TRIP12: variants seen among roughly 807,000 people sequenced by gnomAD.
TRIP12 encodes E3 ubiquitin-protein ligase TRIP12.
A neutral mutation model predicts 244.2 loss-of-function variants in TRIP12; 25 were observed. The observed-to-expected ratio is 0.10, with a 90% CI of 0.07 to 0.14. TRIP12 has a LOEUF of 0.14. Ranked by LOEUF, TRIP12 falls within the 10% of genes least tolerant of loss-of-function variation. TRIP12 has a pLI of 1.00. For missense variants in TRIP12, 1,677 were observed against 2,486.4 expected (o/e 0.67, Z 6.92); for synonymous variants, 905 against 873.1 (o/e 1.04, Z -0.64).
chr2:229,812,603 T>G (rs900176912), intron 13 of TRIP12, among the ~76,000 whole-genome samples: 4 of 151,994 alleles, frequency 2.6e-5, no homozygotes, highest in Admixed American at 2.0e-4. Context: ...TGCAGGAGTT[T>G]GAGACCAGCC....
At chr2:229,826,322 A>G (rs1045032051) in intron 8 of TRIP12, among the ~76,000 whole-genome samples, 1 of 152,206 alleles carries the variant, frequency 6.6e-6, no homozygotes, top group African/African-American at 2.4e-5. Flanking sequence ...GGCTTTCTTT[A>G]CCAAGAAAAG....
At chr2:229,780,774 C>T (rs960837937) in intron 34 of TRIP12, among the ~76,000 whole-genome samples, 1 of 152,156 alleles carries the variant, frequency 6.6e-6, no homozygotes, top group Non-Finnish European at 1.5e-5. Context: ...TCCACATGGC[C>T]TAACATATAT....
At chr2:229,904,685 A>G (rs2072171510) in intron 1 of TRIP12, among the ~76,000 whole-genome samples, 1 of 152,156 alleles carries the variant, frequency 6.6e-6, no homozygotes, top group African/African-American at 2.4e-5. Flanking sequence ...AATTTTAACA[A>G]TTGCTCTATA....
chr2:229,919,398 G>C (rs1382609524), intron 1 of TRIP12, among the ~76,000 whole-genome samples: 2 of 149,996 alleles, frequency 1.3e-5, no homozygotes, highest in Admixed American at 6.7e-5. Flanking sequence ...CTAGGCGACA[G>C]AGCAAGATTC....
At chr2:229,855,143 T>C (rs1365915076) in intron 4 of TRIP12, among the ~76,000 whole-genome samples, 1 of 152,142 alleles carries the variant, frequency 6.6e-6, no homozygotes, top group Non-Finnish European at 1.5e-5. Context: ...GGCGCGTGCC[T>C]ATAATCCCAG....
chr2:229,871,090 C>T (rs1473659383), intron 2 of TRIP12, among the ~76,000 whole-genome samples: 1 of 151,536 alleles, frequency 6.6e-6, no homozygotes, highest in African/African-American at 2.4e-5. Context: ...AGGAGGATCA[C>T]CTAAGCCTGA....
intron 33 of TRIP12, 50 bp from the exon 34 acceptor site, chr2:229,785,905 C>CT (rs1449386646): frequency 6.8e-7 from 1 of 1,477,466 alleles, no homozygotes; most frequent in Non-Finnish European, 9.2e-7. Flanking sequence ...CCATATTACA[C>CT]TTTAATAAAC....
Position 229,792,780 on chromosome 2 carries a change from G to T in TRIP12, c.4141+193C>A, listed in dbSNP as rs4973228. Among the ~76,000 whole-genome samples the T allele has an allele frequency of 0.81, 123,769 of 152,134 alleles. 50,584 individuals are homozygous for T. The highest frequency in any genetic ancestry group is 0.89 in the African/African-American group (36,845 of 41,500). ...AAGATAAATTAACTCAACATTCAAG[G>T]AAGCAGTCAACCCCTAGTAAGTTCA... On this transcript the variant is annotated intron_variant, in intron 27 of 41. Coordinates refer to ENST00000675903, the MANE Select transcript of TRIP12 (RefSeq NM_001348323.3).
At position 229,839,548 on chromosome 2, in the gene TRIP12, G is replaced by A. The variant is rs546042095; in HGVS notation, c.1133+1274C>T. ...AAAAAAATTAGCTGGGCATGGTGGC[G>A]GGCGCCTATAGTCCCAGCTACTCGG... On this transcript the variant is annotated intron_variant, in intron 5 of 41. Coordinates refer to ENST00000675903, the MANE Select transcript of TRIP12 (RefSeq NM_001348323.3). Among the ~76,000 whole-genome samples, 13 of 152,070 alleles carry A rather than the reference G, an allele frequency of 8.5e-5. 1 individual carries two copies. Among genetic ancestry groups the A allele is most frequent in the African/African-American group, 1.4e-4 (6 of 41,510 alleles).
intron 6 of TRIP12, among the ~76,000 whole-genome samples, chr2:229,834,900 A>G (rs1446766987): frequency 1.3e-5 from 2 of 152,144 alleles, no homozygotes; most frequent in Admixed American, 1.3e-4. Flanking sequence ...AATAATAACA[A>G]CATTATTTCC....
chr2:229,880,054 G>A lies in TRIP12; in HGVS notation c.26C>T (p.Pro9Leu), dbSNP rs537576478. The A allele has an allele frequency of 6.2e-7, 1 of 1,614,024 alleles. No homozygotes were observed. The highest frequency in any genetic ancestry group is 1.1e-5 in the South Asian group (1 of 91,060). The change falls in exon 2 of 42, where the codon CCA (proline) becomes CTA (leucine). Residue 9 changes from proline (P) to leucine (L), a missense_variant. Physicochemically the swap from Pro to Leu is moderately conservative, Grantham distance 98 (BLOSUM62 -3). Around this residue, in one of 11 missense-constraint regions of TRIP12, gnomAD observed 387 missense variants for 392.6 expected, o/e 0.99. Transcript: ENST00000675903. The stretch of plus-strand genomic sequence containing the variant: ...CTGTGAACGTCGCAGTGACCCCCCT[G>A]GATTGTTATTAGGCCGGTTGGACAT... MSNRPNNN[P>L]GGSLRRSQRN...
chr2:229,775,093 G>C (rs1470621548), intron 37 of TRIP12, among the ~76,000 whole-genome samples: 1 of 152,116 alleles, frequency 6.6e-6, no homozygotes, highest in Admixed American at 6.5e-5. Flanking sequence ...TTCCTATAGG[G>C]TAACAATTAA....
At chr2:229,773,355 T>C (rs1314554712) in intron 38 of TRIP12, among the ~76,000 whole-genome samples, 1 of 152,088 alleles carries the variant, frequency 6.6e-6, no homozygotes, top group Non-Finnish European at 1.5e-5. Context: ...ATTACGGGCA[T>C]GAGCCACCGT....
intron 2 of TRIP12, among the ~76,000 whole-genome samples, chr2:229,872,436 C>A (rs990325582): frequency 6.6e-6 from 1 of 152,116 alleles, no homozygotes; most frequent in Non-Finnish European, 1.5e-5. Flanking sequence ...TGGTGACAGG[C>A]ACCTGTAGTC....
chr2:229,781,800 C>G (rs1281405287), intron 34 of TRIP12, among the ~76,000 whole-genome samples: 1 of 152,160 alleles, frequency 6.6e-6, no homozygotes, highest in African/African-American at 2.4e-5. Flanking sequence ...TAACCTGAAG[C>G]CCTATGCATC....
Position 229,795,219 on chromosome 2 carries a change from T to C in TRIP12, c.3928A>G (p.Lys1310Glu). 2 of 1,614,108 alleles carry C rather than the reference T, an allele frequency of 1.2e-6. No individual in the cohort carries two copies. Among genetic ancestry groups the C allele is most frequent in the Non-Finnish European group, 8.5e-7 (1 of 1,179,976 alleles). Residue 1310 changes from lysine (K) to glutamate (E), a missense_variant, in exon 26 of 42, where the codon AAA becomes GAA. Coordinates refer to ENST00000675903, the MANE Select transcript of TRIP12 (RefSeq NM_001348323.3). ...TTTCCACTAGGGAAATCATGTACTT[T>C]GACTGGAAATTGTTCCATCTGGCTG... ...CLSQMEQFPV[K>E]VHDFPSGNGT... is the part of the protein sequence containing the mutation.
chr2:229,821,126 C>A (rs1479670829), intron 8 of TRIP12, among the ~76,000 whole-genome samples: 1 of 152,076 alleles, frequency 6.6e-6, no homozygotes, highest in African/African-American at 2.4e-5. Context: ...TCAGTAAGGG[C>A]ATCTTAGATA....
At chr2:229,897,825 C>G (rs1246829159) in intron 1 of TRIP12, among the ~76,000 whole-genome samples, 1 of 152,200 alleles carries the variant, frequency 6.6e-6, no homozygotes, top group Non-Finnish European at 1.5e-5. Flanking sequence ...TGCCTCCTCT[C>G]TCTCCCCCCT....
chr2:229,829,621 CA>C (rs1276450580), intron 7 of TRIP12, among the ~76,000 whole-genome samples: 3 of 152,152 alleles, frequency 2.0e-5, no homozygotes, highest in African/African-American at 7.2e-5. Flanking sequence ...CATATGAAAA[CA>C]GTATGATTTT....
Sources: gnomAD v4.1 joint callset for allele counts (sites outside exome capture counted in the v4.1 genomes callset) on GRCh38, gnomAD v4.1.1 for gene constraint, gnomAD v4.1.1 regional missense constraint, MANE v1.5 for transcripts, NCBI Gene and HGNC (gene_info 2026-07-23, HGNC 2026-07-21) for gene names.